The following BMP7 variants were observed in gnomAD, a reference collection of about 807,000 sequenced individuals.
BMP7 encodes bone morphogenetic protein 7, also known as osteogenic protein 1.
BMP7 carries 12 observed loss-of-function variants against 41.2 expected under a neutral mutation model. The ratio of observed to expected loss-of-function variants is 0.29; its 90% CI spans 0.19 to 0.47. The LOEUF is 0.47. BMP7 is among the 20% of genes least tolerant of loss of function. BMP7 has a pLI of 0.99. For missense variants in BMP7, 467 were observed against 606.0 expected, an observed-to-expected ratio of 0.77 and a Z score of 2.41; for synonymous variants, 248 against 250.0, an observed-to-expected ratio of 0.99 and a Z score of 0.07.
intron 3 of BMP7, among the ~76,000 whole-genome samples, chr20:57,197,564 T>A (rs955322226): frequency 6.6e-6 from 1 of 152,148 alleles, no homozygotes; most frequent in Non-Finnish European, 1.5e-5. Flanking sequence ...CTGGGAGTCA[T>A]GAGAAAGTTC....
intron 1 of BMP7, among the ~76,000 whole-genome samples, chr20:57,248,978 T>G (rs771678704): frequency 7.9e-5 from 12 of 151,966 alleles, no homozygotes; most frequent in Non-Finnish European, 1.8e-4. Context: ...TTTTTTTGTA[T>G]TTTTAGTAGA....
Position 57,215,589 on chromosome 20 carries a change from A to C in BMP7, c.611+12640T>G, listed in dbSNP as rs1984994061. On this transcript the variant is annotated intron_variant, in intron 2 of 6. Transcript: ENST00000395863. The surrounding 1 kb of genome is among the most constrained non-coding windows in gnomAD (Gnocchi z 4.2). The stretch of plus-strand genomic sequence containing the variant: ...AGAACACACCAAGAACTCTGGTGAA[A>C]CATCAAGAACTCTGGGGGGTCCCCC... 6.6e-6 allele frequency: 1 copy of C among 152,158 alleles called. No individual in the cohort carries two copies. Among genetic ancestry groups the C allele is most frequent in the Non-Finnish European group, 1.5e-5 (1 of 68,030 alleles). 9.4% of individuals were successfully genotyped at this position (152,158 alleles called of 1,614,324 possible).
chr20:57,173,236 G>A lies in BMP7; in HGVS notation c.1110C>T (p.Tyr370=), dbSNP rs1408098582. ...CGATGGCGTGGTTGGTGGCGTTCATGTAGGAGTTCAGAGGGAAGGCACACT... is the reference window on the plus strand; with the variant it reads ...CGATGGCGTGGTTGGTGGCGTTCATATAGGAGTTCAGAGGGAAGGCACACT... ...EGECAFPLNS[Y]MNATNHAIVQ... The change falls in exon 6 of 7, where the codon TAC becomes TAT. Residue 370 remains tyrosine, a synonymous_variant. Coordinates refer to ENST00000395863, the MANE Select transcript of BMP7 (RefSeq NM_001719.3). The A allele has an allele frequency of 1.1e-5, 18 of 1,614,226 alleles. No individual in the cohort carries two copies. The highest frequency in any genetic ancestry group is 2.2e-5 in the East Asian group (1 of 44,880).
intron 3 of BMP7, among the ~76,000 whole-genome samples, chr20:57,198,360 AGC>A (rs1372835748): frequency 6.6e-6 from 1 of 151,930 alleles, no homozygotes; most frequent in Admixed American, 6.5e-5. Flanking sequence ...TGGGAAGCAC[AGC>A]CTGGGGGCTG....
In BMP7 at chr20:57,203,663, C is replaced by T. The variant is rs372033855; in HGVS notation, c.612-1040G>A. Among the ~76,000 whole-genome samples, 10 of 152,298 alleles carry T rather than the reference C, an allele frequency of 6.6e-5. No individual in the cohort carries two copies. The East Asian group carries it at 1.9e-3, about 29-fold the overall frequency. On this transcript the variant is annotated intron_variant, in intron 2 of 6. Transcript: ENST00000395863. ...TGAAAGATCTTCATAACATTTCTTG[C>T]ACACTTTTAATAAGAATTCAAAGTT...
At chr20:57,244,812 G>A (rs1361883242) in intron 1 of BMP7, among the ~76,000 whole-genome samples, 2 of 152,228 alleles carry the variant, frequency 1.3e-5, no homozygotes, top group Non-Finnish European at 2.9e-5. Flanking sequence ...CAGGACAGGA[G>A]GAGCCTGCTC....
At chr20:57,220,473 T>A (rs750269623) in intron 2 of BMP7, among the ~76,000 whole-genome samples, 2 of 152,230 alleles carry the variant, frequency 1.3e-5, no homozygotes, top group Non-Finnish European at 2.9e-5. Flanking sequence ...TAGATGTTAA[T>A]ACATTTGGAA....
intron 3 of BMP7, among the ~76,000 whole-genome samples, chr20:57,195,732 A>G (rs1384250137): frequency 6.6e-6 from 1 of 152,218 alleles, no homozygotes; most frequent in Non-Finnish European, 1.5e-5. Context: ...CATGCCCTTC[A>G]ATCCTTTAAA....
At chr20:57,233,605 C>A (rs1475622966) in intron 1 of BMP7, among the ~76,000 whole-genome samples, 1 of 152,250 alleles carries the variant, frequency 6.6e-6, no homozygotes, top group Non-Finnish European at 1.5e-5. Context: ...AGATGGGAGT[C>A]ACACCTGCCC....
chr20:57,213,373 A>G lies in BMP7; in HGVS notation c.612-10750T>C, dbSNP rs117767275. The stretch of plus-strand genomic sequence containing the variant: ...CTGCAACTTATTAATAGGATAGCTA[A>G]GAGAGGAAAATGAGAGGATCAAAAA... On this transcript the variant is annotated intron_variant, in intron 2 of 6. Transcript: ENST00000395863. This position sits in a 1 kb window ranked among gnomAD's most constrained non-coding sequence, Gnocchi z 4.4. Among the ~76,000 whole-genome samples, 8 of 152,372 alleles carry G rather than the reference A, an allele frequency of 5.3e-5. No homozygotes were observed. In the East Asian group the frequency reaches 1.5e-3, roughly 29 times the overall value.
chr20:57,246,897 G>A (rs1477014909), intron 1 of BMP7, among the ~76,000 whole-genome samples: 1 of 152,106 alleles, frequency 6.6e-6, no homozygotes, highest in Admixed American at 6.5e-5. Flanking sequence ...GCTGAGGCAG[G>A]AGAATCACTT....
intron 4 of BMP7, among the ~76,000 whole-genome samples, chr20:57,179,267 C>A (rs911021460): frequency 6.6e-6 from 1 of 152,212 alleles, no homozygotes; most frequent in African/African-American, 2.4e-5. Context: ...TCCAAGCCTG[C>A]CCCACCCGCC....
At chr20:57,253,148 T>C (rs1168237416) in intron 1 of BMP7, among the ~76,000 whole-genome samples, 1 of 152,102 alleles carries the variant, frequency 6.6e-6, no homozygotes, top group Non-Finnish European at 1.5e-5. Flanking sequence ...AGGGCCTGAG[T>C]AGGCATAAGG....
intron 2 of BMP7, among the ~76,000 whole-genome samples, chr20:57,202,984 A>G (rs1019167984): frequency 9.2e-5 from 14 of 152,180 alleles, no homozygotes; most frequent in African/African-American, 3.4e-4. Context: ...TAGTGACTGA[A>G]CTATTCACCA....
intron 5 of BMP7, 196 bp from the exon 6 acceptor site, chr20:57,173,506 A>G (rs779657440): frequency 4.1e-5 from 27 of 658,494 alleles, no homozygotes; most frequent in Non-Finnish European, 6.8e-5. Context: ...AAGAATGGAA[A>G]GAAGGACCAC....
chr20:57,211,410 C>T (rs1245623721), intron 2 of BMP7, among the ~76,000 whole-genome samples: 1 of 150,998 alleles, frequency 6.6e-6, no homozygotes, highest in African/African-American at 2.5e-5. Flanking sequence ...ACGGGGCTGG[C>T]CCAGGCCCAC....
chr20:57,173,302 G>A lies in BMP7; in HGVS notation c.1044C>T (p.Ile348=), dbSNP rs139465481. The A allele has an allele frequency of 3.3e-4, 533 of 1,614,028 alleles. 1 individual carries two copies. The African/African-American group carries it at 6.6e-3, about 20-fold the overall frequency. Reference sequence around the variant, plus strand: ...AGGCGGCGTAGCCTTCAGGCGCGATGATCCAGTCCTGAGGAGGAGAAGAGA... The same window carrying A: ...AGGCGGCGTAGCCTTCAGGCGCGATAATCCAGTCCTGAGGAGGAGAAGAGA... The part of the protein sequence containing the change: ...SFRDLGWQDW[I]IAPEGYAAYY... The change falls in exon 6 of 7, where the codon ATC becomes ATT. Residue 348 remains isoleucine (I), a synonymous_variant. Transcript: ENST00000395863.
At chr20:57,208,164 A>G (rs1023528048) in intron 2 of BMP7, among the ~76,000 whole-genome samples, 2 of 152,224 alleles carry the variant, frequency 1.3e-5, no homozygotes, top group African/African-American at 2.4e-5. Context: ...TTTGCAAATT[A>G]TCAACAGATA....
rs1984171490 is a variant in BMP7, at chr20:57,184,730, G to T, written c.761-811C>A. 2.0e-5 allele frequency among the ~76,000 whole-genome samples: 3 copies of T among 152,072 alleles called. No homozygotes were observed. The South Asian group carries it at 6.2e-4, about 32-fold the overall frequency. On this transcript the variant is annotated intron_variant, in intron 3 of 6. Transcript: ENST00000395863. ...GATGAGCCTTAATCCAGTGACTAGT[G>T]TCCCCATAAGAAGGCCACATAAAGA...
Sources: allele counts gnomAD v4.1 joint callset (sites outside exome capture counted in the v4.1 genomes callset), GRCh38; gene constraint gnomAD v4.1.1; non-coding constraint Gnocchi (gnomAD v3.1); transcripts MANE v1.5; gene names NCBI Gene and HGNC (gene_info 2026-07-23, HGNC 2026-07-21).